The following SNX25 variants were observed in gnomAD, a reference collection of about 807,000 sequenced individuals.
SNX25 encodes sorting nexin 25.
SNX25 carries 62 observed loss-of-function variants against 113.7 expected under a neutral mutation model. The observed-to-expected ratio is 0.55, with a 90% CI of 0.44 to 0.67. The LOEUF (loss-of-function observed/expected upper bound fraction) is 0.67. Among genes scored for constraint, SNX25 ranks in the 30% least tolerant of loss-of-function variants. SNX25 has a pLI of 0.00. For synonymous variants in SNX25, 421 were observed against 436.2 expected, an observed-to-expected ratio of 0.97 and a Z score of 0.43; for missense variants, 1,014 against 1,161.0, an observed-to-expected ratio of 0.87 and a Z score of 1.84.
intron 13 of SNX25, 22 bp from the exon 14 acceptor site, chr4:185,351,422 AG>A: frequency 6.2e-7 from 1 of 1,610,010 alleles, no homozygotes. Context: ...ACACTGGAGC[AG>A]TTAATCCTCT....
intron 1 of SNX25, among the ~76,000 whole-genome samples, chr4:185,214,367 G>A (rs1020418703): frequency 2.1e-5 from 3 of 143,282 alleles, no homozygotes; most frequent in African/African-American, 8.0e-5. Context: ...GATCAGCCTG[G>A]TCAACATAGA....
chr4:185,286,113 T>C (rs1473380131), intron 5 of SNX25, among the ~76,000 whole-genome samples: 1 of 151,708 alleles, frequency 6.6e-6, no homozygotes, highest in Non-Finnish European at 1.5e-5. Context: ...TTTTGTTTTG[T>C]TTTGTTATGT....
At chr4:185,286,546 A>G (rs1264291525) in intron 5 of SNX25, among the ~76,000 whole-genome samples, 4 of 152,216 alleles carry the variant, frequency 2.6e-5, no homozygotes, top group African/African-American at 4.8e-5. Context: ...GGCTGCTTTT[A>G]GCCTGCTTTC....
chr4:185,256,634 T>C (rs1746471687), intron 2 of SNX25, among the ~76,000 whole-genome samples: 1 of 150,156 alleles, frequency 6.7e-6, no homozygotes, highest in African/African-American at 2.4e-5. Flanking sequence ...CTTTTTTTTT[T>C]TTTTTTTTTG....
chr4:185,337,741 A>G (rs72709999), intron 10 of SNX25, among the ~76,000 whole-genome samples: 9,529 of 152,212 alleles, frequency 0.063, 378 homozygotes, highest in East Asian at 0.17. Flanking sequence ...CAATCTCTCC[A>G]TGTCCTCCCT....
chr4:185,226,731 A>G (rs1258951311), intron 1 of SNX25, among the ~76,000 whole-genome samples: 2 of 152,218 alleles, frequency 1.3e-5, no homozygotes, highest in African/African-American at 4.8e-5. Context: ...GATTACAGGC[A>G]TGAGCCACCA....
At chr4:185,328,427 C>A (rs113269223) in intron 9 of SNX25, among the ~76,000 whole-genome samples, 1 of 152,026 alleles carries the variant, frequency 6.6e-6, no homozygotes, top group Non-Finnish European at 1.5e-5. Flanking sequence ...GTCTTTCATA[C>A]GTGCACCAAG....
chr4:185,253,080 T>A (rs1434724670), intron 2 of SNX25, among the ~76,000 whole-genome samples: 3 of 152,112 alleles, frequency 2.0e-5, no homozygotes, highest in Non-Finnish European at 4.4e-5. Context: ...AAAAGACGAC[T>A]TCTAAAAATC....
At chr4:185,301,202 C>G (rs1190176011) in intron 6 of SNX25, among the ~76,000 whole-genome samples, 1 of 152,012 alleles carries the variant, frequency 6.6e-6, no homozygotes, top group Non-Finnish European at 1.5e-5. Context: ...TTTGTCCAAT[C>G]ACATTTCAAC....
chr4:185,372,275 A>G (rs1416664662), downstream of SNX25, among the ~76,000 whole-genome samples: 2 of 152,202 alleles, frequency 1.3e-5, no homozygotes, highest in African/African-American at 4.8e-5. Context: ...AGATAAGGCA[A>G]TTGCTGCTTA....
the SNX25 span, among the ~76,000 whole-genome samples, chr4:185,376,040 C>T: frequency 2.0e-5 from 3 of 151,892 alleles, no homozygotes; most frequent in Admixed American, 1.3e-4. Context: ...TGGTGAAAGA[C>T]AGTCAGTCCC....
intron 1 of SNX25, among the ~76,000 whole-genome samples, chr4:185,216,520 T>G (rs983835269): frequency 2.7e-5 from 4 of 146,244 alleles, no homozygotes; most frequent in African/African-American, 1.0e-4. Context: ...TTGGTTTTTT[T>G]TTTTTTTTTT....
intron 6 of SNX25, among the ~76,000 whole-genome samples, chr4:185,296,478 A>G (rs1486933161): frequency 6.6e-6 from 1 of 152,114 alleles, no homozygotes; most frequent in Admixed American, 6.6e-5. Flanking sequence ...AACAAGGTGG[A>G]AATTTTTATT....
At chr4:185,235,953 A>G (rs1052225732) in intron 1 of SNX25, among the ~76,000 whole-genome samples, 2 of 152,202 alleles carry the variant, frequency 1.3e-5, no homozygotes, top group Non-Finnish European at 2.9e-5. Flanking sequence ...CCGCTTGTCT[A>G]TGTTCAGTAC....
intron 17 of SNX25, 26 bp from the exon 18 acceptor site, chr4:185,362,585 C>T (rs2095370260): frequency 6.2e-7 from 1 of 1,600,724 alleles, no homozygotes; most frequent in Admixed American, 1.7e-5. Flanking sequence ...TCAATAGCAG[C>T]ATAGAATCTA....
intron 2 of SNX25, among the ~76,000 whole-genome samples, chr4:185,250,552 T>C (rs980883737): frequency 6.6e-6 from 1 of 152,246 alleles, no homozygotes; most frequent in African/African-American, 2.4e-5. Context: ...GTTTACTGCC[T>C]GTACCTCTAA....
the SNX25 span, chr4:185,378,255 G>C: frequency 5.6e-6 from 9 of 1,597,792 alleles, no homozygotes; most frequent in Non-Finnish European, 7.7e-6. Context: ...TTCCTCCAGC[G>C]AAGTGCAAAG....
chr4:185,246,559 G>A (rs1483649820), intron 1 of SNX25, among the ~76,000 whole-genome samples: 2 of 151,716 alleles, frequency 1.3e-5, no homozygotes, highest in Admixed American at 1.3e-4. Context: ...CAACTTCTTT[G>A]GTTTTCTTTT....
chr4:185,279,030 C>T (rs1181006429), intron 5 of SNX25, among the ~76,000 whole-genome samples: 2 of 151,834 alleles, frequency 1.3e-5, no homozygotes, highest in Non-Finnish European at 2.9e-5. Context: ...TATATGGTAA[C>T]ATTTTTGTTT....
Sources: gnomAD v4.1 joint callset for allele counts (sites outside exome capture counted in the v4.1 genomes callset) on GRCh38, gnomAD v4.1.1 for gene constraint, MANE v1.5 for transcripts, NCBI Gene and HGNC (gene_info 2026-07-23, HGNC 2026-07-21) for gene names.